DMD: variants seen among roughly 807,000 people sequenced by gnomAD.
DMD encodes the protein mutant dystrophin.
A neutral mutation model predicts 330.1 loss-of-function variants in DMD; 63 were observed. The ratio of observed to expected loss-of-function variants is 0.19; its 90% confidence interval spans 0.16 to 0.24. The LOEUF is 0.24. DMD is among the 10% of genes least tolerant of loss of function. The pLI is 1.00. For missense variants in DMD, 3,344 were observed against 2,684.1 expected (o/e 1.25, Z -5.43); for synonymous variants, 1,223 against 959.8 (o/e 1.27, Z -5.07).
chrX:31,724,647 C>T (rs761203144), intron 52 of DMD, among the ~76,000 whole-genome samples: 2 of 111,919 alleles, frequency 1.8e-5, no homozygotes, highest in Non-Finnish European at 3.8e-5. Flanking sequence ...TAAAAGGCCA[C>T]ATTATACACC....
At chrX:32,166,385 G>C (rs1377033493) in intron 44 of DMD, among the ~76,000 whole-genome samples, 1 of 110,839 alleles carries the variant, frequency 9.0e-6, no homozygotes, top group Non-Finnish European at 1.9e-5. Context: ...TGAGCCCAGG[G>C]AGGTCAAGGC....
intron 13 of DMD, among the ~76,000 whole-genome samples, chrX:32,592,751 C>A (rs1438492391): frequency 8.9e-6 from 1 of 112,298 alleles, no homozygotes; most frequent in Non-Finnish European, 1.9e-5. Context: ...TTTTGCAGAG[C>A]CCAGACCTTG....
At chrX:33,292,014 A>G (rs1234977482) in intron 1 of DMD, among the ~76,000 whole-genome samples, 3 of 111,669 alleles carry the variant, frequency 2.7e-5, no homozygotes, top group Non-Finnish European at 5.7e-5. Context: ...TATGTATTCC[A>G]CTACTAATAC....
intron 44 of DMD, among the ~76,000 whole-genome samples, chrX:31,977,248 T>C (rs1304292715): frequency 1.8e-5 from 2 of 112,293 alleles, no homozygotes; most frequent in Admixed American, 9.4e-5. Context: ...TATTATAATC[T>C]TCTTGATTGC....
chrX:31,140,961 C>T (rs553319039), intron 76 of DMD, among the ~76,000 whole-genome samples: 10 of 111,155 alleles, frequency 9.0e-5, no homozygotes, highest in African/African-American at 3.3e-4. Flanking sequence ...GAGGCTGAGG[C>T]GGGTGGATTG....
intron 52 of DMD, among the ~76,000 whole-genome samples, chrX:31,725,188 T>C (rs5972438): frequency 1.8e-5 from 2 of 110,292 alleles, no homozygotes; most frequent in Admixed American, 9.7e-5. Context: ...CAAGTTACGT[T>C]AGCTCTCCGA....
chrX:33,221,411 A>C (rs2052173556), intron 1 of DMD, among the ~76,000 whole-genome samples: 1 of 111,639 alleles, frequency 9.0e-6, no homozygotes, highest in African/African-American at 3.2e-5. Context: ...ATTGTCATTT[A>C]GGTTAAATTA....
At chrX:32,579,707 CTG>C (rs1443399015) in intron 13 of DMD, among the ~76,000 whole-genome samples, 1 of 112,866 alleles carries the variant, frequency 8.9e-6, no homozygotes, top group Non-Finnish European at 1.9e-5. Context: ...CACTGTAACT[CTG>C]TATTTGTTTA....
At chrX:31,788,784 C>A (rs983537459) in intron 50 of DMD, among the ~76,000 whole-genome samples, 1 of 111,058 alleles carries the variant, frequency 9.0e-6, no homozygotes, top group Non-Finnish European at 1.9e-5. Flanking sequence ...AATTGTTATA[C>A]CTTCTTGATG....
At position 33,044,651 on chromosome X, in the gene DMD, C is replaced by A. The variant is rs140146863; in HGVS notation, c.32-24451G>T. Among the ~76,000 whole-genome samples the A allele has an allele frequency of 4.0e-3, 448 of 111,656 alleles. 5 individuals carry two copies. Among genetic ancestry groups the A allele is most frequent in the East Asian group, 0.017 (60 of 3,537 alleles). On this transcript the variant is annotated intron_variant, in intron 1 of 78. Transcript: ENST00000357033. ...GCAATTCCAAGGAAATGCTTTATGC[C>A]CGAGTGCTAATTCAGAACCATACTG...
chrX:32,757,236 A>C (rs2071617780), intron 7 of DMD, among the ~76,000 whole-genome samples: 1 of 111,437 alleles, frequency 9.0e-6, no homozygotes, highest in African/African-American at 3.3e-5. Flanking sequence ...TATTAACTAT[A>C]GTCTTGTTAT....
chrX:33,240,153 T>A (rs1181197926), intron 1 of DMD, among the ~76,000 whole-genome samples: 1 of 111,650 alleles, frequency 9.0e-6, no homozygotes, highest in Non-Finnish European at 1.9e-5. Context: ...GTACAATAGA[T>A]CTCTTGATTT....
At chrX:32,430,924 G>A (rs1450229627) in intron 29 of DMD, among the ~76,000 whole-genome samples, 3 of 111,685 alleles carry the variant, frequency 2.7e-5, no homozygotes, top group Non-Finnish European at 5.7e-5. Flanking sequence ...ATATTTCATT[G>A]TATGTATATA....
intron 44 of DMD, among the ~76,000 whole-genome samples, chrX:32,107,338 A>ATGTGTGTGTG (rs34502564): frequency 2.2e-5 from 2 of 89,144 alleles, no homozygotes; most frequent in East Asian, 7.3e-4. Flanking sequence ...ATATAATTAT[A>ATGTGTGTGTG]TGTGTGTGTG....
intron 44 of DMD, among the ~76,000 whole-genome samples, chrX:32,023,554 A>C (rs1398506762): frequency 8.9e-6 from 1 of 112,213 alleles, no homozygotes; most frequent in Non-Finnish European, 1.9e-5. Flanking sequence ...GGTGCTCCTA[A>C]AAAGAAAAGG....
chrX:32,255,786 A>C (rs2097295984), intron 43 of DMD, among the ~76,000 whole-genome samples: 1 of 111,551 alleles, frequency 9.0e-6, no homozygotes, highest in Admixed American at 9.6e-5. Flanking sequence ...CAAATCACAG[A>C]GTTATTTTAC....
intron 2 of DMD, among the ~76,000 whole-genome samples, chrX:32,902,070 C>A (rs2086294480): frequency 9.3e-6 from 1 of 107,966 alleles, no homozygotes; most frequent in African/African-American, 3.4e-5. Context: ...GGTAATAATA[C>A]ATATCATACG....
At chrX:31,197,667 A>T (rs1276750973) in intron 67 of DMD, among the ~76,000 whole-genome samples, 3 of 111,748 alleles carry the variant, frequency 2.7e-5, no homozygotes, top group Non-Finnish European at 5.6e-5. Context: ...TCCAGCTCTC[A>T]TAGGTGAAGC....
chrX:33,146,344 TAAATCTCATAATTTAAA>T lies in DMD; in HGVS notation c.31+64921_31+64937del, dbSNP rs770630491. ...ATTAGACTATTCTGAAAACTTTATG[TAAATCTCATAATTTAAA>T]AAATTTCATAATTTTTAAATTTTTA... On this transcript the variant is annotated intron_variant, in intron 1 of 78. Coordinates refer to ENST00000357033, the MANE Select transcript of DMD (RefSeq NM_004006.3). 1.6e-3 allele frequency among the ~76,000 whole-genome samples: 181 copies of T among 111,940 alleles called. 1 individual carries two copies. The highest frequency in any genetic ancestry group is 7.1e-3 in the South Asian group (19 of 2,685).
Sources: allele counts gnomAD v4.1 joint callset (sites outside exome capture counted in the v4.1 genomes callset), GRCh38; gene constraint gnomAD v4.1.1; transcripts MANE v1.5; gene names NCBI Gene and HGNC (gene_info 2026-07-23, HGNC 2026-07-21).